DNAJC17: variants seen among roughly 807,000 people sequenced by gnomAD.
The protein encoded by DNAJC17 is DnaJ heat shock protein family (Hsp40) member C17, also known as dnaJ homolog subfamily C member 17.
A neutral mutation model predicts 48.1 loss-of-function variants in DNAJC17; 35 were observed. The observed-to-expected ratio is 0.73, with a 90% CI of 0.56 to 0.96. DNAJC17 has a LOEUF of 0.96. DNAJC17 is among the 50% of genes least tolerant of loss of function. The pLI is 0.00. For synonymous variants in DNAJC17, 117 were observed against 142.7 expected (o/e 0.82, Z 1.28); for missense variants, 355 against 377.1 (o/e 0.94, Z 0.48).
chr15:40,773,790 C>A lies in DNAJC17; in HGVS notation c.729G>T (p.Lys243Asn), dbSNP rs1200550321. ...NEVGLVDNPLKISWLEGQPQD... is the reference protein window; with the variant it reads ...NEVGLVDNPLNISWLEGQPQD... ...GGGGCTGTCCCTCCAACCAGGAAAT[C>A]TTCAGAGGGTTATCCACCAGGCCAA... The change falls in exon 10 of 11, where the codon AAG becomes AAT. Residue 243 changes from lysine (K) to asparagine (N), a missense_variant. Physicochemically the swap from Lys to Asn is moderately conservative, Grantham distance 94. This residue lies in a region of DNAJC17 where 68 missense variants were observed against 109.5 expected (regional missense o/e 0.62). Transcript: ENST00000220496. The A allele has an allele frequency of 6.2e-7, 1 of 1,614,112 alleles. No individual in the cohort carries two copies. Among genetic ancestry groups the A allele is most frequent in the East Asian group, 2.2e-5 (1 of 44,876 alleles).
intron 8 of DNAJC17, 92 bp from the exon 9 acceptor site, chr15:40,774,528 A>G: frequency 2.9e-6 from 4 of 1,393,130 alleles, no homozygotes; most frequent in Middle Eastern, 2.3e-4. Flanking sequence ...CTTGAGGCCC[A>G]TGGGGCATTT....
intron 1 of DNAJC17, among the ~76,000 whole-genome samples, chr15:40,797,701 C>T (rs674229): frequency 0.18 from 26,088 of 147,854 alleles, 2,919 homozygotes; most frequent in Non-Finnish European, 0.26. Flanking sequence ...TGTAAGCCAC[C>T]GCACCTGGCC....
At chr15:40,777,189 A>G (rs1454696029) in intron 4 of DNAJC17, among the ~76,000 whole-genome samples, 2 of 151,380 alleles carry the variant, frequency 1.3e-5, no homozygotes, top group Non-Finnish European at 2.9e-5. Context: ...GCTTGCAACC[A>G]TGTGCCAGGC....
rs1191882631 is a variant in DNAJC17 at position 40,765,779 on chromosome 15, ACCT to A, written c.*2158_*2160del. 3.1e-6 allele frequency: 3 copies of A among 958,980 alleles called. No individual in the cohort carries two copies. The highest frequency in any genetic ancestry group is 3.3e-5 in the African/African-American group (2 of 61,422). The allele number at this position is 958,980 out of a possible 1,614,324, so 59.4% of individuals were successfully genotyped here. On this transcript the variant is annotated 3_prime_UTR_variant, in exon 11 of 11. Coordinates refer to ENST00000220496, the MANE Select transcript of DNAJC17 (RefSeq NM_018163.3). The stretch of plus-strand genomic sequence containing the variant: ...GGAGGAAGGACAGGCAAGACCTTCC[ACCT>A]CCTCCTGGCAGCCAGCCAAGCAGCC...
intron 1 of DNAJC17, among the ~76,000 whole-genome samples, chr15:40,786,306 C>T (rs552779005): frequency 6.6e-6 from 1 of 152,290 alleles, no homozygotes; most frequent in Non-Finnish European, 1.5e-5. Context: ...TAATCTTACT[C>T]CTTATGATAT....
chr15:40,779,837 C>A, intron 2 of DNAJC17, 91 bp downstream of exon 2: 2 of 1,425,164 alleles, frequency 1.4e-6, no homozygotes, highest in Non-Finnish European at 1.9e-6. Flanking sequence ...GTGCTTACAC[C>A]CCACAGCACT....
At chr15:40,794,178 C>T (rs1368261418) in intron 1 of DNAJC17, among the ~76,000 whole-genome samples, 4 of 151,716 alleles carry the variant, frequency 2.6e-5, no homozygotes, top group African/African-American at 9.7e-5. Flanking sequence ...GGTGAAATCC[C>T]ATCTCTACTA....
At chr15:40,789,396 C>T (rs1340966878) in intron 1 of DNAJC17, among the ~76,000 whole-genome samples, 1 of 151,822 alleles carries the variant, frequency 6.6e-6, no homozygotes, top group Non-Finnish European at 1.5e-5. Flanking sequence ...GGTCCACTTC[C>T]CCAAACCAGC....
intron 1 of DNAJC17, among the ~76,000 whole-genome samples, chr15:40,802,568 C>T (rs1173146162): frequency 6.6e-6 from 1 of 152,132 alleles, no homozygotes; most frequent in Non-Finnish European, 1.5e-5. Flanking sequence ...GAGAAGTAGT[C>T]TGAACACAAG....
intron 1 of DNAJC17, among the ~76,000 whole-genome samples, chr15:40,783,393 C>G (rs59508492): frequency 0.024 from 3,620 of 152,284 alleles, 141 homozygotes; most frequent in African/African-American, 0.083. Flanking sequence ...TCTCCACCCT[C>G]TCTCTGGGAT....
rs747747573 is a variant in DNAJC17, at chr15:40,807,430, T to G, written c.17A>C (p.Glu6Ala). 6.2e-7 allele frequency: 1 copy of G among 1,614,252 alleles called. No homozygotes were observed. Among genetic ancestry groups the G allele is most frequent in the South Asian group, 1.1e-5 (1 of 91,088 alleles). The change falls in exon 1 of 11, where the codon GAG becomes GCG. Residue 6 changes from glutamate to alanine, a missense_variant. Coordinates refer to ENST00000220496, the MANE Select transcript of DNAJC17 (RefSeq NM_018163.3). ...CGCGTACAGGTCCATCTGTAAGAGCTCCTTGGTCACTGCCATGGTTCCGGC... is the reference window on the plus strand; with the variant it reads ...CGCGTACAGGTCCATCTGTAAGAGCGCCTTGGTCACTGCCATGGTTCCGGC... The part of the protein sequence containing the change: MAVTK[E>A]LLQMDLYALL...
intron 3 of DNAJC17, 62 bp downstream of exon 3, chr15:40,779,483 T>C: frequency 7.5e-6 from 12 of 1,604,808 alleles, no homozygotes; most frequent in South Asian, 1.1e-5. Flanking sequence ...AGGACCGAGG[T>C]TGAGAGGCAG....
intron 3 of DNAJC17, 57 bp from the exon 4 acceptor site, chr15:40,779,367 C>T (rs1395495216): frequency 2.5e-6 from 4 of 1,598,532 alleles, no homozygotes; most frequent in Non-Finnish European, 3.4e-6. Context: ...AGACAGAGCC[C>T]CGGCAATCTG....
Position 40,767,750 on chromosome 15 carries a change from C to T in DNAJC17, c.*190G>A. The stretch of plus-strand genomic sequence containing the variant: ...GCTTGTGCACGGACTCTGGGACTCT[C>T]ACCCTGCGGAGCGTTTCCCTGGGGG... On this transcript the variant is annotated 3_prime_UTR_variant, in exon 11 of 11. Transcript: ENST00000220496. The T allele has an allele frequency of 1.3e-6, 1 of 770,084 alleles. No homozygotes were observed. The highest frequency in any genetic ancestry group is 2.0e-6 in the Non-Finnish European group (1 of 499,668). The allele number at this position is 770,084 out of a possible 1,614,324, so 47.7% of individuals were successfully genotyped here.
intron 4 of DNAJC17, chr15:40,777,014 T>C: frequency 9.0e-6 from 2 of 221,300 alleles, no homozygotes; most frequent in South Asian, 7.2e-5. Context: ...TTGGCTTTGA[T>C]TCTTTTCACA....
At chr15:40,788,588 C>T (rs983928589) in intron 1 of DNAJC17, among the ~76,000 whole-genome samples, 6 of 150,944 alleles carry the variant, frequency 4.0e-5, no homozygotes, top group South Asian at 2.1e-4. Flanking sequence ...CCCAGCTACT[C>T]GGGAGGCTGA....
chr15:40,774,529 T>A, intron 8 of DNAJC17, 93 bp from the exon 9 acceptor site: 3 of 1,372,518 alleles, frequency 2.2e-6, no homozygotes, highest in Non-Finnish European at 3.1e-6. Flanking sequence ...TTGAGGCCCA[T>A]GGGGCATTTT....
chr15:40,777,138 G>A lies in DNAJC17; in HGVS notation c.296-511C>T, dbSNP rs191224218. Among the ~76,000 whole-genome samples, 7 of 152,278 alleles carry A rather than the reference G, an allele frequency of 4.6e-5. No individual in the cohort carries two copies. In the East Asian group the frequency reaches 1.2e-3, roughly 25 times the overall value. On this transcript the variant is annotated intron_variant, in intron 4 of 10. Transcript: ENST00000220496. ...GCAGAGTGTTAGGGCATCACCCCGG[G>A]TCCTGGATTGTGTGAGGGCGTTACC... is the stretch of plus-strand genomic sequence containing the variant.
At chr15:40,771,718 A>G (rs1889146565) in intron 10 of DNAJC17, 1 of 168,360 alleles carries the variant, frequency 5.9e-6, no homozygotes, top group African/African-American at 2.4e-5. Flanking sequence ...CACACTGGTC[A>G]GTGCAGAATG....
Sources: allele counts gnomAD v4.1 joint callset (sites outside exome capture counted in the v4.1 genomes callset), GRCh38; gene constraint gnomAD v4.1.1; regional missense constraint gnomAD v4.1.1; transcripts MANE v1.5; gene names NCBI Gene and HGNC (gene_info 2026-07-23, HGNC 2026-07-21).